DAB1: variants seen among roughly 807,000 people sequenced by gnomAD.
The protein encoded by DAB1 is disabled homolog 1.
In DAB1, 15 loss-of-function variants were observed where a neutral mutation model predicts 64.6. The observed-to-expected ratio is 0.23, with a 90% CI of 0.16 to 0.36. The LOEUF (loss-of-function observed/expected upper bound fraction) is 0.36. DAB1 is among the 10% of genes least tolerant of loss of function. The probability of loss-of-function intolerance (pLI) is 1.00; values close to 1 mark genes in which losing one functional copy is unlikely to be tolerated. For synonymous variants in DAB1, 235 were observed against 251.9 expected (o/e 0.93, Z 0.64); for missense variants, 596 against 706.7 (o/e 0.84, Z 1.78).
At chr1:57,380,675 A>G (rs1021390074) in intron 1 of DAB1, among the ~76,000 whole-genome samples, 3 of 152,198 alleles carry the variant, frequency 2.0e-5, no homozygotes, top group African/African-American at 7.2e-5. Flanking sequence ...GGCTAGGTCC[A>G]GTGGGGAGAC....
intron 3 of DAB1, among the ~76,000 whole-genome samples, chr1:58,465,724 C>A (rs143219745): frequency 3.8e-3 from 585 of 152,240 alleles, no homozygotes; most frequent in Middle Eastern, 0.01. Flanking sequence ...ATAATAGATA[C>A]CATTTATTGG....
intron 6 of DAB1, among the ~76,000 whole-genome samples, chr1:57,685,488 A>G (rs1008670514): frequency 6.6e-6 from 1 of 152,208 alleles, no homozygotes; most frequent in African/African-American, 2.4e-5. Context: ...ACCCATTGAC[A>G]GTGTTAGATC....
intron 3 of DAB1, among the ~76,000 whole-genome samples, chr1:58,487,804 T>C (rs1345129161): frequency 6.6e-6 from 1 of 152,152 alleles, no homozygotes; most frequent in Non-Finnish European, 1.5e-5. Context: ...AACACACATA[T>C]ACTTTAATTA....
At chr1:58,447,112 G>A (rs543490380) in intron 3 of DAB1, among the ~76,000 whole-genome samples, 1 of 152,234 alleles carries the variant, frequency 6.6e-6, no homozygotes, top group East Asian at 1.9e-4. Flanking sequence ...TTCCTCCATG[G>A]CTCAGCAACC....
chr1:57,842,044 ATGGG>A (rs1258277077), intron 1 of DAB1, among the ~76,000 whole-genome samples: 2 of 152,172 alleles, frequency 1.3e-5, no homozygotes, highest in Non-Finnish European at 2.9e-5. Flanking sequence ...GTGAACACAT[ATGGG>A]TGTGTGCTGT....
chr1:58,432,402 G>A (rs1644889110), intron 3 of DAB1, among the ~76,000 whole-genome samples: 1 of 152,054 alleles, frequency 6.6e-6, no homozygotes, highest in Non-Finnish European at 1.5e-5. Flanking sequence ...ACTCATGATT[G>A]TATCCCCAGC....
intron 2 of DAB1, among the ~76,000 whole-genome samples, chr1:57,196,537 G>T (rs1426743715): frequency 2.0e-5 from 3 of 152,138 alleles, no homozygotes; most frequent in African/African-American, 7.2e-5. Flanking sequence ...CTAAAGAAAG[G>T]GCTTTAATAA....
chr1:57,031,165 T>G (rs1015491460), intron 9 of DAB1, among the ~76,000 whole-genome samples: 9 of 152,228 alleles, frequency 5.9e-5, no homozygotes, highest in Admixed American at 1.3e-4. Context: ...GATTGTTATT[T>G]CATTCCATTG....
chr1:57,458,842 G>A (rs989425446), intron 7 of DAB1, among the ~76,000 whole-genome samples: 11 of 151,978 alleles, frequency 7.2e-5, no homozygotes, highest in Non-Finnish European at 7.4e-5. Flanking sequence ...ATGTATCTAA[G>A]TAAAAGAAAA....
At chr1:57,922,180 T>C (rs1022006033) in intron 5 of DAB1, among the ~76,000 whole-genome samples, 2 of 152,170 alleles carry the variant, frequency 1.3e-5, no homozygotes, top group African/African-American at 2.4e-5. Flanking sequence ...CTCCCATCAT[T>C]AGAAAGCAAA....
intron 7 of DAB1, among the ~76,000 whole-genome samples, chr1:57,438,904 A>G (rs1685799908): frequency 6.6e-6 from 1 of 151,974 alleles, no homozygotes; most frequent in Admixed American, 6.6e-5. Context: ...TCTCTACCTC[A>G]TTTCCTCCTT....
intron 7 of DAB1, among the ~76,000 whole-genome samples, chr1:57,606,521 A>G (rs895509885): frequency 1.7e-5 from 1 of 60,532 alleles, no homozygotes; most frequent in Admixed American, 2.0e-4. Context: ...TAATATATAT[A>G]ATATATAATA....
At chr1:57,909,674 A>T (rs1004439559) in intron 5 of DAB1, among the ~76,000 whole-genome samples, 1 of 152,232 alleles carries the variant, frequency 6.6e-6, no homozygotes, top group African/African-American at 2.4e-5. Flanking sequence ...AAGAAAAAAA[A>T]TATTGCAGGT....
At chr1:58,270,349 T>A (rs1204482833) in intron 4 of DAB1, among the ~76,000 whole-genome samples, 1 of 147,412 alleles carries the variant, frequency 6.8e-6, no homozygotes, top group Non-Finnish European at 1.5e-5. Flanking sequence ...GCGGCGTTAT[T>A]TCTGAGGGCT....
chr1:57,221,985 G>A (rs1569946712), intron 2 of DAB1, among the ~76,000 whole-genome samples: 1 of 151,658 alleles, frequency 6.6e-6, no homozygotes, highest in East Asian at 1.9e-4. Flanking sequence ...AGGAGAAACT[G>A]GCCAGAAACT....
At chr1:57,851,387 A>G (rs532296777) in intron 1 of DAB1, among the ~76,000 whole-genome samples, 13 of 152,354 alleles carry the variant, frequency 8.5e-5, no homozygotes, top group African/African-American at 3.1e-4. Context: ...AAGACAAAGG[A>G]CACAAACCAG....
At chr1:58,129,272 C>T (rs1262631671) in intron 5 of DAB1, among the ~76,000 whole-genome samples, 12 of 151,660 alleles carry the variant, frequency 7.9e-5, no homozygotes, top group African/African-American at 2.7e-4. Flanking sequence ...TCCCTGATGG[C>T]AGTTTGTATT....
intron 8 of DAB1, among the ~76,000 whole-genome samples, chr1:57,065,826 G>A (rs1369218017): frequency 2.6e-5 from 4 of 152,182 alleles, no homozygotes; most frequent in African/African-American, 9.7e-5. Context: ...CCCATTGTGA[G>A]CATCTAAGGG....
intron 6 of DAB1, among the ~76,000 whole-genome samples, chr1:57,805,608 A>G (rs1651324008): frequency 6.6e-6 from 1 of 152,164 alleles, no homozygotes; most frequent in African/African-American, 2.4e-5. Context: ...TTCCAAATTT[A>G]TATCCCTAGT....
Sources: allele counts gnomAD v4.1 joint callset (sites outside exome capture counted in the v4.1 genomes callset), GRCh38; gene constraint gnomAD v4.1.1; transcripts MANE v1.5; gene names NCBI Gene and HGNC (gene_info 2026-07-23, HGNC 2026-07-21).